The following EPB41L4A variants were observed in gnomAD, a reference collection of about 807,000 sequenced individuals.
The protein encoded by EPB41L4A is band 4.1-like protein 4A.
EPB41L4A carries 100 observed loss-of-function variants against 108.6 expected under a neutral mutation model. That is an observed-to-expected ratio of 0.92 (90% CI 0.78 to 1.09). EPB41L4A has a LOEUF of 1.09. Ranked by LOEUF, EPB41L4A falls within the 50% of genes least tolerant of loss-of-function variation. The pLI is 0.00. For synonymous variants in EPB41L4A, 319 were observed against 289.0 expected (o/e 1.10, Z -1.05); for missense variants, 1,030 against 842.7 (o/e 1.22, Z -2.75).
At chr5:112,417,641 T>TC (rs1457648497) in intron 1 of EPB41L4A, among the ~76,000 whole-genome samples, 1 of 152,096 alleles carries the variant, frequency 6.6e-6, no homozygotes, top group African/African-American at 2.4e-5. Context: ...ATGTACACCC[T>TC]CCCCGAAAAG....
In EPB41L4A at chr5:112,204,438, T is replaced by G. The variant is rs374065942; in HGVS notation, c.1313A>C (p.Tyr438Ser). Residue 438 changes from tyrosine to serine, a missense_variant, in exon 15 of 23, where the codon TAC becomes TCC. By Grantham distance (144) the Tyr-to-Ser change is moderately radical (BLOSUM62 -2). Coordinates refer to ENST00000261486, the MANE Select transcript of EPB41L4A (RefSeq NM_022140.5). Reference sequence around the variant, plus strand: ...ACAGGAGGGGTTTCGGCGACGCGTGTAAGGGAACTTTGGCGACTTAGTGCG... The same window carrying G: ...ACAGGAGGGGTTTCGGCGACGCGTGGAAGGGAACTTTGGCGACTTAGTGCG... ...SDRTKSPKFP[Y>S]TRRRNPSCGS... The G allele has an allele frequency of 3.1e-6, 5 of 1,613,878 alleles. No homozygotes were observed. In the South Asian group the frequency reaches 4.4e-5, roughly 14 times the overall value.
At chr5:112,218,837 T>C (rs1257993980) in intron 12 of EPB41L4A, among the ~76,000 whole-genome samples, 1 of 152,160 alleles carries the variant, frequency 6.6e-6, no homozygotes. Flanking sequence ...TGAAAAACAA[T>C]GTACCTTGTG....
chr5:112,378,984 G>T (rs1232283961), intron 1 of EPB41L4A, among the ~76,000 whole-genome samples: 1 of 152,132 alleles, frequency 6.6e-6, no homozygotes, highest in African/African-American at 2.4e-5. Flanking sequence ...CTGTGAATTA[G>T]TTATATGCAG....
intron 1 of EPB41L4A, among the ~76,000 whole-genome samples, chr5:112,335,684 T>G (rs965910059): frequency 1.3e-5 from 2 of 152,222 alleles, no homozygotes; most frequent in East Asian, 3.8e-4. Flanking sequence ...TGTCCCCATA[T>G]CTACTTCTGC....
At chr5:112,328,236 G>T (rs1191544628) in intron 1 of EPB41L4A, among the ~76,000 whole-genome samples, 3 of 152,000 alleles carry the variant, frequency 2.0e-5, no homozygotes, top group Non-Finnish European at 4.4e-5. Flanking sequence ...TTGAACCCAG[G>T]GGGCAGAGGT....
At chr5:112,274,379 TAAAAC>T (rs1030023841) in intron 4 of EPB41L4A, among the ~76,000 whole-genome samples, 7 of 152,082 alleles carry the variant, frequency 4.6e-5, no homozygotes, top group African/African-American at 1.7e-4. Flanking sequence ...AGGGATAAAA[TAAAAC>T]AAAGTAAAAA....
intron 12 of EPB41L4A, 112 bp downstream of exon 12, chr5:112,234,522 G>C: frequency 1.0e-6 from 1 of 995,434 alleles, no homozygotes; most frequent in Non-Finnish European, 1.4e-6. Flanking sequence ...TTTAATATTG[G>C]AAATTTCAAT....
At chr5:112,295,130 C>G (rs532332138) in intron 2 of EPB41L4A, among the ~76,000 whole-genome samples, 1 of 152,334 alleles carries the variant, frequency 6.6e-6, no homozygotes, top group South Asian at 2.1e-4. Context: ...TAGTTATTAA[C>G]AGTGTCCCTT....
intron 9 of EPB41L4A, among the ~76,000 whole-genome samples, chr5:112,241,075 C>T (rs1288797543): frequency 1.3e-5 from 2 of 151,990 alleles, no homozygotes; most frequent in Non-Finnish European, 2.9e-5. Context: ...ATAGTTTGGA[C>T]GGTAGAAGTG....
At chr5:112,272,734 T>C (rs1010084015) in intron 4 of EPB41L4A, among the ~76,000 whole-genome samples, 7 of 134,110 alleles carry the variant, frequency 5.2e-5, no homozygotes, top group African/African-American at 1.7e-4. Flanking sequence ...TGAGCTGAGA[T>C]TGCACCACTG....
chr5:112,291,855 T>C (rs2150536325), intron 2 of EPB41L4A, among the ~76,000 whole-genome samples: 1 of 152,310 alleles, frequency 6.6e-6, no homozygotes, highest in African/African-American at 2.4e-5. Context: ...CTATATATTC[T>C]GCGTTTCTGA....
At chr5:112,361,662 GA>G (rs1398551708) in intron 1 of EPB41L4A, among the ~76,000 whole-genome samples, 13 of 149,108 alleles carry the variant, frequency 8.7e-5, no homozygotes, top group African/African-American at 3.2e-4. Flanking sequence ...TGAGTCCAAA[GA>G]AAAATAGTAG....
chr5:112,353,701 G>T (rs1758195933), intron 1 of EPB41L4A, among the ~76,000 whole-genome samples: 1 of 152,154 alleles, frequency 6.6e-6, no homozygotes, highest in South Asian at 2.1e-4. Flanking sequence ...TTCAGGCCCT[G>T]ATAGTTTGCA....
chr5:112,373,367 C>T (rs1393139129), intron 1 of EPB41L4A, among the ~76,000 whole-genome samples: 1 of 152,212 alleles, frequency 6.6e-6, no homozygotes, highest in South Asian at 2.1e-4. Context: ...AATCTATCTG[C>T]TTCCCTTCCC....
At chr5:112,242,568 C>G (rs1267103848) in intron 9 of EPB41L4A, among the ~76,000 whole-genome samples, 1 of 152,162 alleles carries the variant, frequency 6.6e-6, no homozygotes, top group Non-Finnish European at 1.5e-5. Context: ...TCCTGCTAAT[C>G]AGAATAATTT....
chr5:112,241,047 A>G (rs995571528), intron 9 of EPB41L4A, among the ~76,000 whole-genome samples: 1 of 152,178 alleles, frequency 6.6e-6, no homozygotes, highest in Non-Finnish European at 1.5e-5. Flanking sequence ...CTACTTTTAC[A>G]TTGCCCCATG....
intron 12 of EPB41L4A, among the ~76,000 whole-genome samples, chr5:112,146,665 T>G (rs538226950): frequency 6.6e-6 from 1 of 152,276 alleles, no homozygotes; most frequent in East Asian, 1.9e-4. Context: ...AAATCATACC[T>G]GACTTAAAAA....
chr5:112,206,394 T>C (rs933019704), intron 13 of EPB41L4A, among the ~76,000 whole-genome samples: 1 of 151,890 alleles, frequency 6.6e-6, no homozygotes, highest in Non-Finnish European at 1.5e-5. Context: ...CACCCTAGTA[T>C]ACTATCCATG....
At chr5:112,271,910 A>C (rs558721405) in intron 4 of EPB41L4A, among the ~76,000 whole-genome samples, 1 of 152,232 alleles carries the variant, frequency 6.6e-6, no homozygotes, top group South Asian at 2.1e-4. Flanking sequence ...AGAATATACG[A>C]CCTGAAAGTC....
Sources: gnomAD v4.1 joint callset for allele counts (sites outside exome capture counted in the v4.1 genomes callset) on GRCh38, gnomAD v4.1.1 for gene constraint, MANE v1.5 for transcripts, NCBI Gene and HGNC (gene_info 2026-07-23, HGNC 2026-07-21) for gene names.